The following GPC5 variants were observed in gnomAD, a reference collection of about 807,000 sequenced individuals.
GPC5 encodes glypican 5.
Under a neutral mutation model 53.9 loss-of-function variants are expected in GPC5, and 47 were observed. The observed-to-expected ratio is 0.87, with a 90% CI of 0.69 to 1.11. The LOEUF (loss-of-function observed/expected upper bound fraction) is 1.11. Ranked by LOEUF, GPC5 falls within the 50% of genes most tolerant of loss-of-function variation. The pLI is 0.00. For missense variants in GPC5, 748 were observed against 713.1 expected, an observed-to-expected ratio of 1.05 and a Z score of -0.56; for synonymous variants, 286 against 263.3, an observed-to-expected ratio of 1.09 and a Z score of -0.84.
At chr13:91,964,190 G>A (rs1416664828) in intron 6 of GPC5, among the ~76,000 whole-genome samples, 1 of 152,202 alleles carries the variant, frequency 6.6e-6, no homozygotes, top group Non-Finnish European at 1.5e-5. Flanking sequence ...TTCACAGTGA[G>A]TGTTACAGCT....
intron 7 of GPC5, among the ~76,000 whole-genome samples, chr13:92,628,337 G>T (rs781538589): frequency 5.3e-5 from 7 of 131,270 alleles, no homozygotes; most frequent in Non-Finnish European, 9.3e-5. Flanking sequence ...GTGCAGTGGG[G>T]CAGTCTTGGC....
intron 6 of GPC5, among the ~76,000 whole-genome samples, chr13:92,125,689 C>G (rs1425595594): frequency 6.6e-6 from 1 of 152,084 alleles, no homozygotes; most frequent in African/African-American, 2.4e-5. Flanking sequence ...TTAACAATTA[C>G]TTTCTGAGCA....
intron 7 of GPC5, among the ~76,000 whole-genome samples, chr13:92,840,319 T>C (rs930383163): frequency 2.0e-5 from 3 of 151,846 alleles, no homozygotes; most frequent in African/African-American, 7.3e-5. Flanking sequence ...CCTCTTTGGC[T>C]ATTGTGAATA....
At chr13:91,743,547 A>G (rs1379300144) in intron 4 of GPC5, among the ~76,000 whole-genome samples, 2 of 152,182 alleles carry the variant, frequency 1.3e-5, no homozygotes, top group African/African-American at 4.8e-5. Context: ...GAAAGGATAC[A>G]TATGTATAAT....
intron 7 of GPC5, among the ~76,000 whole-genome samples, chr13:92,302,718 G>A (rs1028253674): frequency 6.6e-6 from 1 of 152,182 alleles, no homozygotes; most frequent in Non-Finnish European, 1.5e-5. Flanking sequence ...TTTATGCTGT[G>A]TAACATCACC....
At chr13:91,457,058 A>G (rs998320354) in intron 2 of GPC5, among the ~76,000 whole-genome samples, 5 of 152,190 alleles carry the variant, frequency 3.3e-5, no homozygotes, top group African/African-American at 1.2e-4. Flanking sequence ...TTTGATCACA[A>G]ATTATTACTA....
intron 7 of GPC5, among the ~76,000 whole-genome samples, chr13:92,805,556 C>T (rs1207700447): frequency 6.6e-6 from 1 of 152,054 alleles, no homozygotes; most frequent in East Asian, 1.9e-4. Context: ...TCTACTTCAG[C>T]CTCCCAAGTA....
At chr13:92,747,920 T>C (rs1889278661) in intron 7 of GPC5, among the ~76,000 whole-genome samples, 1 of 152,202 alleles carries the variant, frequency 6.6e-6, no homozygotes, top group Non-Finnish European at 1.5e-5. Flanking sequence ...ACATAAGATG[T>C]AAAGCCACTT....
intron 7 of GPC5, among the ~76,000 whole-genome samples, chr13:92,255,625 C>T (rs1047727909): frequency 2.6e-5 from 4 of 152,032 alleles, no homozygotes; most frequent in African/African-American, 9.7e-5. Flanking sequence ...CACAGTTGTT[C>T]AGGCAGATGT....
intron 7 of GPC5, among the ~76,000 whole-genome samples, chr13:92,615,769 A>T (rs1884662475): frequency 6.6e-6 from 1 of 152,136 alleles, no homozygotes; most frequent in South Asian, 2.1e-4. Flanking sequence ...AACTTCCCCT[A>T]CCAGGCTGGG....
At chr13:92,650,441 A>C (rs1338727244) in intron 7 of GPC5, among the ~76,000 whole-genome samples, 1 of 152,130 alleles carries the variant, frequency 6.6e-6, no homozygotes, top group Non-Finnish European at 1.5e-5. Context: ...ACATGCTTCC[A>C]AATATTTTTG....
rs532676759 is a variant in GPC5, at chr13:92,524,426, T to C, written c.1562-341856T>C. Among the ~76,000 whole-genome samples the C allele has an allele frequency of 3.3e-5, 5 of 152,266 alleles. No individual in the cohort carries two copies. The South Asian group carries it at 1.0e-3, about 31-fold the overall frequency. On this transcript the variant is annotated intron_variant, in intron 7 of 7. Coordinates refer to ENST00000377067, the MANE Select transcript of GPC5 (RefSeq NM_004466.6). ...TAATGGTAAGGAAAAAAAGTCTATC[T>C]ATGTTCAGTACAGACAGAATATTTT...
chr13:91,706,777 G>T (rs914067497), intron 3 of GPC5, among the ~76,000 whole-genome samples: 8 of 151,872 alleles, frequency 5.3e-5, no homozygotes, highest in African/African-American at 1.9e-4. Context: ...GTTCCTACAG[G>T]ATGAATAAAG....
At chr13:91,774,237 C>T (rs562050712) in intron 5 of GPC5, among the ~76,000 whole-genome samples, 104 of 152,260 alleles carry the variant, frequency 6.8e-4, no homozygotes, top group Middle Eastern at 3.4e-3. Context: ...GTCTCTTGCC[C>T]GTCATGAAGC....
intron 2 of GPC5, among the ~76,000 whole-genome samples, chr13:91,622,063 C>T (rs2033875654): frequency 6.6e-6 from 1 of 151,962 alleles, no homozygotes; most frequent in South Asian, 2.1e-4. Context: ...CTGGAAGGCT[C>T]AGCAAGTCTG....
intron 7 of GPC5, among the ~76,000 whole-genome samples, chr13:92,164,092 C>T (rs2042010155): frequency 6.6e-6 from 1 of 152,182 alleles, no homozygotes; most frequent in Non-Finnish European, 1.5e-5. Context: ...CTTTCCCCAA[C>T]ATGTGGGGAT....
intron 7 of GPC5, among the ~76,000 whole-genome samples, chr13:92,810,919 ACC>A (rs1877274382): frequency 6.6e-6 from 1 of 151,718 alleles, no homozygotes; most frequent in African/African-American, 2.4e-5. Context: ...ACGGGGTTTC[ACC>A]GTGTTAGCCA....
intron 7 of GPC5, among the ~76,000 whole-genome samples, chr13:92,595,539 C>A (rs1883844959): frequency 1.3e-5 from 2 of 151,930 alleles, no homozygotes; most frequent in African/African-American, 4.8e-5. Flanking sequence ...GAGGCCGAGG[C>A]AGGCGGATCA....
chr13:91,770,890 TA>T (rs2037612951), intron 5 of GPC5, among the ~76,000 whole-genome samples: 1 of 151,200 alleles, frequency 6.6e-6, no homozygotes, highest in African/African-American at 2.4e-5. Flanking sequence ...AGAGGGAGAA[TA>T]AAAAAGAGAA....
Sources: allele counts gnomAD v4.1 joint callset (sites outside exome capture counted in the v4.1 genomes callset), GRCh38; gene constraint gnomAD v4.1.1; transcripts MANE v1.5; gene names NCBI Gene and HGNC (gene_info 2026-07-23, HGNC 2026-07-21).